RGS21: variants seen among roughly 807,000 people sequenced by gnomAD.
RGS21 encodes the protein regulator of G-protein signalling 21.
In RGS21, 19 loss-of-function variants were observed where a neutral mutation model predicts 18.7. The ratio of observed to expected loss-of-function variants is 1.01; its 90% CI spans 0.71 to 1.49. The LOEUF (loss-of-function observed/expected upper bound fraction) is 1.49, where lower values mean the gene tolerates loss of function less well. Among genes scored for constraint, RGS21 ranks in the 40% most tolerant of loss-of-function variants. The probability of loss-of-function intolerance (pLI) is 0.00; values close to 1 mark genes in which losing one functional copy is unlikely to be tolerated. For synonymous variants in RGS21, 56 were observed against 57.8 expected (o/e 0.97, Z 0.14); for missense variants, 194 against 176.8 (o/e 1.10, Z -0.55).
chr1:192,358,487 C>T (rs955939696), intron 4 of RGS21, among the ~76,000 whole-genome samples: 1 of 151,866 alleles, frequency 6.6e-6, no homozygotes, highest in African/African-American at 2.4e-5. Context: ...AATTAGGTAA[C>T]CAAAAATATG....
At chr1:192,327,387 G>C (rs1658582509) in intron 1 of RGS21, among the ~76,000 whole-genome samples, 1 of 151,960 alleles carries the variant, frequency 6.6e-6, no homozygotes, top group Non-Finnish European at 1.5e-5. Flanking sequence ...AATCCAGAAA[G>C]TAAAAATCTA....
chr1:192,336,450 A>C (rs1310124853), intron 1 of RGS21, among the ~76,000 whole-genome samples: 1 of 152,072 alleles, frequency 6.6e-6, no homozygotes, highest in Non-Finnish European at 1.5e-5. Flanking sequence ...CTGAAACCCC[A>C]TCTAAAAAAT....
intron 4 of RGS21, among the ~76,000 whole-genome samples, chr1:192,354,730 A>T (rs1659089066): frequency 6.6e-6 from 1 of 151,666 alleles, no homozygotes; most frequent in African/African-American, 2.4e-5. Context: ...TCTAAATTAT[A>T]ACCAGTTTCC....
chr1:192,359,655 G>A (rs113554821), intron 4 of RGS21, among the ~76,000 whole-genome samples: 15,348 of 120,494 alleles, frequency 0.13, 1,090 homozygotes, highest in South Asian at 0.17. Flanking sequence ...GTGTGTGTGT[G>A]TATATATATA....
chr1:192,354,165 G>A (rs908697116), intron 4 of RGS21, among the ~76,000 whole-genome samples: 1 of 151,546 alleles, frequency 6.6e-6, no homozygotes, highest in Non-Finnish European at 1.5e-5. Flanking sequence ...CTGATTTTTT[G>A]AGTATCTGTT....
chr1:192,335,833 T>G (rs1658758614), intron 1 of RGS21, among the ~76,000 whole-genome samples: 1 of 152,104 alleles, frequency 6.6e-6, no homozygotes, highest in Non-Finnish European at 1.5e-5. Context: ...AGTGGGACTT[T>G]CAGGGAATAC....
At position 192,366,155 on chromosome 1, in the gene RGS21, T is replaced by C. The variant is rs745432938; in HGVS notation, c.*31T>C. ...GTAAAAGTTAACTAATCACTATACTTCAGGGCTACAATATTTTAAATATAC... is the reference window on the plus strand; with the variant it reads ...GTAAAAGTTAACTAATCACTATACTCCAGGGCTACAATATTTTAAATATAC... On this transcript the variant is annotated 3_prime_UTR_variant, in exon 5 of 5. Coordinates refer to ENST00000417209, the MANE Select transcript of RGS21 (RefSeq NM_001039152.3). 1 of 1,201,290 alleles carries C rather than the reference T, an allele frequency of 8.3e-7. No homozygotes were observed. Among genetic ancestry groups the C allele is most frequent in the East Asian group, 2.3e-5 (1 of 42,740 alleles). 74.4% of individuals were successfully genotyped at this position (1,201,290 alleles called of 1,614,324 possible).
At chr1:192,346,305 T>C (rs956970843) in intron 2 of RGS21, among the ~76,000 whole-genome samples, 3 of 152,086 alleles carry the variant, frequency 2.0e-5, no homozygotes, top group Non-Finnish European at 4.4e-5. Flanking sequence ...TACAAAAGCA[T>C]AGGAATCACT....
intron 3 of RGS21, among the ~76,000 whole-genome samples, chr1:192,351,716 T>A (rs144483180): frequency 0.011 from 1,698 of 147,832 alleles, 21 homozygotes; most frequent in South Asian, 0.051. Context: ...ATAGCATATA[T>A]AACACATATA....
At chr1:192,364,657 C>G (rs1021322901) in intron 4 of RGS21, among the ~76,000 whole-genome samples, 2 of 152,064 alleles carry the variant, frequency 1.3e-5, no homozygotes, top group African/African-American at 4.8e-5. Flanking sequence ...TAGTTCCATA[C>G]TCCAAAATTC....
intron 1 of RGS21, among the ~76,000 whole-genome samples, chr1:192,328,770 A>G (rs934140680): frequency 6.6e-6 from 1 of 152,264 alleles, no homozygotes; most frequent in East Asian, 1.9e-4. Flanking sequence ...TGTTCGTCAC[A>G]GTAATACAAT....
At chr1:192,323,012 T>C (rs1658517583) in intron 1 of RGS21, among the ~76,000 whole-genome samples, 1 of 152,126 alleles carries the variant, frequency 6.6e-6, no homozygotes. Flanking sequence ...ATCTGGATTT[T>C]ATATCATCTT....
At chr1:192,335,475 C>T (rs892160144) in intron 1 of RGS21, among the ~76,000 whole-genome samples, 10 of 152,176 alleles carry the variant, frequency 6.6e-5, no homozygotes, top group Non-Finnish European at 1.2e-4. Context: ...CTTAGTTTTA[C>T]GTATTGTTTT....
chr1:192,324,274 ATATT>A (rs1476052006), intron 1 of RGS21, among the ~76,000 whole-genome samples: 1 of 152,096 alleles, frequency 6.6e-6, no homozygotes, highest in Non-Finnish European at 1.5e-5. Flanking sequence ...ATTCTACAAG[ATATT>A]TAAACAATTT....
At chr1:192,330,265 C>A (rs1571450620) in intron 1 of RGS21, among the ~76,000 whole-genome samples, 1 of 152,132 alleles carries the variant, frequency 6.6e-6, no homozygotes, top group African/African-American at 2.4e-5. Context: ...GATGGGAAAT[C>A]ATGCAAGCAA....
chr1:192,350,411 C>T (rs903438723), intron 3 of RGS21, among the ~76,000 whole-genome samples: 2 of 152,190 alleles, frequency 1.3e-5, no homozygotes, highest in African/African-American at 4.8e-5. Context: ...TTTTCATTCA[C>T]TTTTCTCTTA....
At chr1:192,343,488 A>G (rs889330839) in intron 2 of RGS21, among the ~76,000 whole-genome samples, 1 of 152,088 alleles carries the variant, frequency 6.6e-6, no homozygotes, top group African/African-American at 2.4e-5. Context: ...CTGCTAATTG[A>G]GTGTGAACAG....
rs960871283 is a variant in RGS21 at position 192,359,828 on chromosome 1, G to GAT, written c.256-6084_256-6083dup. On this transcript the variant is annotated intron_variant, in intron 4 of 4. Coordinates refer to ENST00000417209, the MANE Select transcript of RGS21 (RefSeq NM_001039152.3). The stretch of plus-strand genomic sequence containing the variant: ...GTAAGTTATATACATTATTTAGTAA[G>GAT]ATATATATATCTATCTTACTAAAAT... Among the ~76,000 whole-genome samples, 6 of 148,816 alleles carry GAT rather than the reference G, an allele frequency of 4.0e-5. No individual in the cohort carries two copies. In the South Asian group the frequency reaches 6.4e-4, roughly 16 times the overall value.
At chr1:192,365,795 T>C (rs1246301668) in intron 4 of RGS21, 126 bp from the exon 5 acceptor site, 2 of 576,130 alleles carry the variant, frequency 3.5e-6, no homozygotes, top group South Asian at 2.4e-5. Context: ...AATGAATACA[T>C]GAACTTTCTG....
Sources: gnomAD v4.1 joint callset for allele counts (sites outside exome capture counted in the v4.1 genomes callset) on GRCh38, gnomAD v4.1.1 for gene constraint, MANE v1.5 for transcripts, NCBI Gene and HGNC (gene_info 2026-07-23, HGNC 2026-07-21) for gene names.